FOXL2NB: variants seen among roughly 807,000 people sequenced by gnomAD.
FOXL2NB encodes FOXL2 neighbor, also known as FOXL2 neighbor protein.
FOXL2NB carries 10 observed loss-of-function variants against 7.4 expected under a neutral mutation model. That is an observed-to-expected ratio of 1.34 (90% CI 0.83 to 2.28). The LOEUF is 2.28. Among genes scored for constraint, FOXL2NB ranks in the 30% most tolerant of loss-of-function variants. FOXL2NB has a pLI of 0.00. For synonymous variants in FOXL2NB, 104 were observed against 105.3 expected, an observed-to-expected ratio of 0.99 and a Z score of 0.08; for missense variants, 228 against 233.9, an observed-to-expected ratio of 0.97 and a Z score of 0.17.
rs139756464 is a variant in FOXL2NB, at chr3:138,950,036, C to T, written c.221-229C>T. Reference sequence around the variant, plus strand: ...GTGGTGGGCTGGGCAGAACTCACTGCCTCTTTGCCCCAGTTTTCCAGGGTC... The same window carrying T: ...GTGGTGGGCTGGGCAGAACTCACTGTCTCTTTGCCCCAGTTTTCCAGGGTC... On this transcript the variant is annotated intron_variant, in intron 2 of 2. Coordinates refer to ENST00000383165, the MANE Select transcript of FOXL2NB (RefSeq NM_001040061.3). The T allele has an allele frequency of 2.4e-3, 1,688 of 706,898 alleles. 26 individuals carry two copies. Among genetic ancestry groups the T allele is most frequent in the African/African-American group, 0.024 (1,363 of 57,462 alleles). 43.8% of individuals were successfully genotyped at this position (706,898 alleles called of 1,614,324 possible).
chr3:138,947,639 C>T lies in FOXL2NB; in HGVS notation c.100+175C>T. ...AAACGGGTGTGACTGTACGAAGAAG[C>T]CTCGGCCTGGCCTGTCCCTCGCGCT... On this transcript the variant is annotated intron_variant, in intron 1 of 2. Coordinates refer to ENST00000383165, the MANE Select transcript of FOXL2NB (RefSeq NM_001040061.3). This position sits in a 1 kb window ranked among gnomAD's most constrained non-coding sequence, Gnocchi z 5.2. 1 of 1,384,060 alleles carries T rather than the reference C, an allele frequency of 7.2e-7. No individual in the cohort carries two copies. The highest frequency in any genetic ancestry group is 9.3e-7 in the Non-Finnish European group (1 of 1,072,306). The allele number at this position is 1,384,060 out of a possible 1,614,324, so 85.7% of individuals were successfully genotyped here.
chr3:138,952,236 G>C lies in FOXL2NB; in HGVS notation c.*1664G>C, dbSNP rs975008993. 2 of 152,208 alleles carry C rather than the reference G, an allele frequency of 1.3e-5. No individual in the cohort carries two copies. Among genetic ancestry groups the C allele is most frequent in the South Asian group, 2.1e-4 (1 of 4,832 alleles). The allele number at this position is 152,208 out of a possible 1,614,324, so 9.4% of individuals were successfully genotyped here. On this transcript the variant is annotated 3_prime_UTR_variant, in exon 3 of 3. Coordinates refer to ENST00000383165, the MANE Select transcript of FOXL2NB (RefSeq NM_001040061.3). The stretch of plus-strand genomic sequence containing the variant: ...AGTCTCCACCCGCACGCTAACCCAT[G>C]AGGGGATGCCAGAGAGAGCCCTTCC...
At chr3:138,950,066 A>T (rs982650475) in intron 2 of FOXL2NB, 199 bp from the exon 3 acceptor site, 1 of 717,772 alleles carries the variant, frequency 1.4e-6, no homozygotes, top group African/African-American at 1.7e-5. Context: ...AGGGTCCCGC[A>T]GCTGCAATTC....
In FOXL2NB at chr3:138,949,521, A is replaced by T; in HGVS notation, c.102A>T (p.Glu34Asp). The T allele has an allele frequency of 6.2e-7, 1 of 1,614,102 alleles. No homozygotes were observed. Among genetic ancestry groups the T allele is most frequent in the Non-Finnish European group, 8.5e-7 (1 of 1,180,002 alleles). The change falls in exon 2 of 3, where the codon GAA (glutamate) becomes GAT (aspartate). Residue 34 changes from glutamate to aspartate, a missense_variant and splice_region_variant. Coordinates refer to ENST00000383165, the MANE Select transcript of FOXL2NB (RefSeq NM_001040061.3). The surrounding 1 kb of genome is among the most constrained non-coding windows in gnomAD (Gnocchi z 4.5). ...TCTGACTGTCCCGTAGAGGAACAGA[A>T]TCCCCAGCCCTGGTGAAGAAGAGGA... ...KALQASSRLS[E>D]SPALVKKRMP...
In FOXL2NB at chr3:138,949,519, G is replaced by T; in HGVS notation, c.101-1G>T. On this transcript the variant is annotated splice_acceptor_variant, in intron 1 of 2. Coordinates refer to ENST00000383165, the MANE Select transcript of FOXL2NB (RefSeq NM_001040061.3). LOFTEE classifies it high-confidence loss of function. The surrounding 1 kb of genome is among the most constrained non-coding windows in gnomAD (Gnocchi z 4.5). ...TTTCTGACTGTCCCGTAGAGGAACA[G>T]AATCCCCAGCCCTGGTGAAGAAGAG... is the stretch of plus-strand genomic sequence containing the variant. 6.2e-7 allele frequency: 1 copy of T among 1,614,096 alleles called. No individual in the cohort carries two copies. The highest frequency in any genetic ancestry group is 8.5e-7 in the Non-Finnish European group (1 of 1,179,996).
In FOXL2NB at chr3:138,952,462, TGTG is replaced by T. The variant is rs1457487964; in HGVS notation, c.*1891_*1893del. On this transcript the variant is annotated 3_prime_UTR_variant, in exon 3 of 3. Transcript: ENST00000383165. ...CATGCCAAGATAGGGTGTGTGTGTG[TGTG>T]TGTGTGTATGTGTGTGTGTATGTGT... 1.3e-4 allele frequency: 19 copies of T among 151,984 alleles called. No homozygotes were observed. The highest frequency in any genetic ancestry group is 4.6e-4 in the African/African-American group (19 of 41,286). The allele number at this position is 151,984 out of a possible 1,614,324, so 9.4% of individuals were successfully genotyped here.
At position 138,950,360 on chromosome 3, in the gene FOXL2NB, G is replaced by C. The variant is rs1459258589; in HGVS notation, c.316G>C (p.Gly106Arg). 6.2e-7 allele frequency: 1 copy of C among 1,612,008 alleles called. No homozygotes were observed. Among genetic ancestry groups the C allele is most frequent in the Admixed American group, 1.7e-5 (1 of 59,632 alleles). ...LGKRRGCSEA[G>R]SASLEPLSSS... ...GAAGCGTCGCGGCTGCTCTGAGGCAGGCAGCGCTTCGCTAGAACCACTCAG... is the reference window on the plus strand; with the variant it reads ...GAAGCGTCGCGGCTGCTCTGAGGCACGCAGCGCTTCGCTAGAACCACTCAG... The change falls in exon 3 of 3, where the codon GGC becomes CGC. Residue 106 changes from glycine to arginine, a missense_variant. Gly to Arg is a moderately radical substitution (Grantham distance 125). Transcript: ENST00000383165.
intron 2 of FOXL2NB, 80 bp from the exon 3 acceptor site, chr3:138,950,185 G>A (rs748627136): frequency 2.0e-6 from 3 of 1,491,374 alleles, no homozygotes; most frequent in East Asian, 4.6e-5. Flanking sequence ...CCTCCTCGCA[G>A]CCTGGCCCCG....
rs1005820175 is a variant in FOXL2NB, at chr3:138,949,368, G to T, written c.101-152G>T. On this transcript the variant is annotated intron_variant, in intron 1 of 2. Transcript: ENST00000383165. This position sits in a 1 kb window ranked among gnomAD's most constrained non-coding sequence, Gnocchi z 4.5. The stretch of plus-strand genomic sequence containing the variant: ...CTCGGCTCCCTTTTCAGCCTTTAAA[G>T]AGCCTGTGTGTGTATGCATGTGCGT... 1.3e-5 allele frequency: 11 copies of T among 871,186 alleles called. No homozygotes were observed. The highest frequency in any genetic ancestry group is 3.5e-4 in the Middle Eastern group (1 of 2,866). The allele number at this position is 871,186 out of a possible 1,614,324, so 54.0% of individuals were successfully genotyped here.
rs1249258915 is a variant in FOXL2NB at position 138,947,978 on chromosome 3, C to A, written c.100+514C>A. ...GCTGTCCTTGAGATGGGTGAGATAC[C>A]AGGTGCATGTGTGCTGCTCAGAAAC... On this transcript the variant is annotated intron_variant, in intron 1 of 2. Coordinates refer to ENST00000383165, the MANE Select transcript of FOXL2NB (RefSeq NM_001040061.3). The surrounding 1 kb of genome is among the most constrained non-coding windows in gnomAD (Gnocchi z 5.2). 1.5e-5 allele frequency: 15 copies of A among 986,104 alleles called. No individual in the cohort carries two copies. The highest frequency in any genetic ancestry group is 1.8e-5 in the Non-Finnish European group (15 of 830,564). 61.1% of individuals were successfully genotyped at this position (986,104 alleles called of 1,614,324 possible). A position where few individuals can be genotyped will look rare whatever the true frequency, so the allele number is the denominator to read the frequency against.
Position 138,950,657 on chromosome 3 carries a change from C to CCCTG in FOXL2NB, c.*85_*86insCCTG. 2.8e-6 allele frequency: 4 copies of CCCTG among 1,433,980 alleles called. No individual in the cohort carries two copies. The highest frequency in any genetic ancestry group is 3.9e-6 in the Non-Finnish European group (4 of 1,035,814). 88.8% of individuals were successfully genotyped at this position (1,433,980 alleles called of 1,614,324 possible). ...CACAGGGCCCTTTGCACCCACACCT[C>CCCTG]AGGGACTCGGTGTCCCTCCACTCAG... On this transcript the variant is annotated 3_prime_UTR_variant, in exon 3 of 3. Coordinates refer to ENST00000383165, the MANE Select transcript of FOXL2NB (RefSeq NM_001040061.3).
Position 138,947,258 on chromosome 3 carries a change from C to A in FOXL2NB, c.-107C>A. The A allele has an allele frequency of 1.1e-6, 1 of 876,938 alleles. No homozygotes were observed. Among genetic ancestry groups the A allele is most frequent in the Non-Finnish European group, 1.8e-6 (1 of 568,330 alleles). The allele number at this position is 876,938 out of a possible 1,614,324, so 54.3% of individuals were successfully genotyped here. On this transcript the variant is annotated 5_prime_UTR_variant, in exon 1 of 3. Transcript: ENST00000383165. The surrounding 1 kb of genome is among the most constrained non-coding windows in gnomAD (Gnocchi z 5.2). ...CACTTTTTGTAAACGCCCCGCACAG[C>A]CTGGACCGGCCTGCCCCCGCCCAGC...
Position 138,947,788 on chromosome 3 carries a change from T to A in FOXL2NB, c.100+324T>A. 2.7e-6 allele frequency: 3 copies of A among 1,108,698 alleles called. No homozygotes were observed. Among genetic ancestry groups the A allele is most frequent in the Non-Finnish European group, 3.3e-6 (3 of 907,986 alleles). The allele number at this position is 1,108,698 out of a possible 1,614,324, so 68.7% of individuals were successfully genotyped here. A position where few individuals can be genotyped will look rare whatever the true frequency, so the allele number is the denominator to read the frequency against. On this transcript the variant is annotated intron_variant, in intron 1 of 2. Coordinates refer to ENST00000383165, the MANE Select transcript of FOXL2NB (RefSeq NM_001040061.3). The surrounding 1 kb of genome is among the most constrained non-coding windows in gnomAD (Gnocchi z 5.2). ...AGTGGATCTAGGAACCAGGAATCCGTGTACTAATCCTACGGGGTTGGAGTG... is the reference window on the plus strand; with the variant it reads ...AGTGGATCTAGGAACCAGGAATCCGAGTACTAATCCTACGGGGTTGGAGTG...
In FOXL2NB at chr3:138,949,624, A is replaced by G; in HGVS notation, c.205A>G (p.Lys69Glu). Reference sequence around the variant, plus strand: ...CCTTCACATGGCTGTCCGGCATTCGAAGGCTCAGAAAACAGGCAAGAAAAT... The same window carrying G: ...CCTTCACATGGCTGTCCGGCATTCGGAGGCTCAGAAAACAGGCAAGAAAAT... ...MCLHMAVRHS[K>E]AQKTGPGILQ... is the part of the protein sequence containing the mutation. The change falls in exon 2 of 3, where the codon AAG (lysine) becomes GAG (glutamate). Residue 69 changes from lysine (K) to glutamate (E), a missense_variant. Coordinates refer to ENST00000383165, the MANE Select transcript of FOXL2NB (RefSeq NM_001040061.3). The surrounding 1 kb of genome is among the most constrained non-coding windows in gnomAD (Gnocchi z 4.5). 6.4e-7 allele frequency: 1 copy of G among 1,552,020 alleles called. No individual in the cohort carries two copies. Among genetic ancestry groups the G allele is most frequent in the Non-Finnish European group, 8.8e-7 (1 of 1,130,238 alleles).
chr3:138,947,443 C>T lies in FOXL2NB; in HGVS notation c.79C>T (p.Gln27Ter), dbSNP rs549931903. 28 of 1,545,884 alleles carry T rather than the reference C, an allele frequency of 1.8e-5. No homozygotes were observed. In the African/African-American group the frequency reaches 2.5e-4, roughly 14 times the overall value. Residue 27 changes from glutamine (Q) to a stop codon, truncating the protein, a stop_gained, in exon 1 of 3, where the codon CAA becomes TAA. Coordinates refer to ENST00000383165, the MANE Select transcript of FOXL2NB (RefSeq NM_001040061.3). LOFTEE classifies it high-confidence loss of function. The surrounding 1 kb of genome is among the most constrained non-coding windows in gnomAD (Gnocchi z 5.2). ...CGGGCCCCAGCGAGGAAAGGCGCTCCAAGCCTCCTCGCGGCTTTCAGGTGA... is the reference window on the plus strand; with the variant it reads ...CGGGCCCCAGCGAGGAAAGGCGCTCTAAGCCTCCTCGCGGCTTTCAGGTGA... The part of the protein sequence containing the change: ...KLGPQRGKAL[Q>*]ASSRLSESPA...
In FOXL2NB at chr3:138,949,473, G is replaced by A; in HGVS notation, c.101-47G>A. The stretch of plus-strand genomic sequence containing the variant: ...TGAAGGATTTTCAGAATAGAAAGGA[G>A]TTCTGCTCTGAAAATACTGATTTCT... On this transcript the variant is annotated intron_variant, in intron 1 of 2. Coordinates refer to ENST00000383165, the MANE Select transcript of FOXL2NB (RefSeq NM_001040061.3). The surrounding 1 kb of genome is among the most constrained non-coding windows in gnomAD (Gnocchi z 4.5). 1 of 1,611,488 alleles carries A rather than the reference G, an allele frequency of 6.2e-7. No individual in the cohort carries two copies. Among genetic ancestry groups the A allele is most frequent in the Non-Finnish European group, 8.5e-7 (1 of 1,178,756 alleles).
At position 138,952,471 on chromosome 3, in the gene FOXL2NB, G is replaced by GTA. The variant is rs1488907127; in HGVS notation, c.*1901_*1902dup. The GTA allele has an allele frequency of 2.6e-5, 4 of 151,030 alleles. No individual in the cohort carries two copies. The highest frequency in any genetic ancestry group is 4.9e-5 in the African/African-American group (2 of 40,632). 9.4% of individuals were successfully genotyped at this position (151,030 alleles called of 1,614,324 possible). ...ATAGGGTGTGTGTGTGTGTGTGTGT[G>GTA]TATGTGTGTGTGTATGTGTGCACTA... On this transcript the variant is annotated 3_prime_UTR_variant, in exon 3 of 3. Coordinates refer to ENST00000383165, the MANE Select transcript of FOXL2NB (RefSeq NM_001040061.3).
At position 138,950,302 on chromosome 3, in the gene FOXL2NB, G is replaced by A; in HGVS notation, c.258G>A (p.Ala86=). ...TGCAACAGCGGCAGAAGCCGCCCGC[G>A]CCTCGGGCTTCCGGCGGCCCAGCTC... ...GILQQRQKPP[A]PRASGGPALL... is the part of the protein sequence containing the mutation. The change falls in exon 3 of 3, where the codon GCG becomes GCA. Residue 86 remains alanine (A), a synonymous_variant. Coordinates refer to ENST00000383165, the MANE Select transcript of FOXL2NB (RefSeq NM_001040061.3). 1 of 1,606,874 alleles carries A rather than the reference G, an allele frequency of 6.2e-7. No individual in the cohort carries two copies. Among genetic ancestry groups the A allele is most frequent in the Non-Finnish European group, 8.5e-7 (1 of 1,178,238 alleles).
rs1364070047 is a variant in FOXL2NB at position 138,953,240 on chromosome 3, C to T, written c.*2668C>T. The T allele has an allele frequency of 6.6e-6, 1 of 152,186 alleles. No individual in the cohort carries two copies. Among genetic ancestry groups the T allele is most frequent in the Non-Finnish European group, 1.5e-5 (1 of 68,058 alleles). 9.4% of individuals were successfully genotyped at this position (152,186 alleles called of 1,614,324 possible). ...TGTTGGCCAGGCTAGTCTTGAACTC[C>T]TAACCTCAAGTGATCTGCCTATTTT... is the stretch of plus-strand genomic sequence containing the variant. On this transcript the variant is annotated 3_prime_UTR_variant, in exon 3 of 3. Transcript: ENST00000383165.
Sources: allele counts gnomAD v4.1 joint callset, GRCh38; gene constraint gnomAD v4.1.1; non-coding constraint Gnocchi (gnomAD v3.1); transcripts MANE v1.5; gene names NCBI Gene and HGNC (gene_info 2026-07-23, HGNC 2026-07-21).